Variants in PDK2 observed in about 807,000 individuals in gnomAD.
The protein encoded by PDK2 is pyruvate dehydrogenase kinase 2, also known as pyruvate dehydrogenase kinase, isozyme 2.
Under a neutral mutation model 50.4 loss-of-function variants are expected in PDK2, and 34 were observed. The observed-to-expected ratio is 0.68, with a 90% CI of 0.51 to 0.90. PDK2 has a LOEUF of 0.90. Among genes scored for constraint, PDK2 ranks in the 40% least tolerant of loss-of-function variants. The pLI, the probability that PDK2 is intolerant of heterozygous loss-of-function variation, is 0.00. For synonymous variants in PDK2, 232 were observed against 216.0 expected, an observed-to-expected ratio of 1.07 and a Z score of -0.65; for missense variants, 377 against 544.5, an observed-to-expected ratio of 0.69 and a Z score of 3.06.
At chr17:50,107,980 T>A in intron 6 of PDK2, 176 bp from the exon 7 acceptor site, 1 of 628,836 alleles carries the variant, frequency 1.6e-6, no homozygotes, top group South Asian at 1.9e-5. Context: ...AAGAATTGAA[T>A]GCATCACTTC....
intron 5 of PDK2, 35 bp from the exon 6 acceptor site, chr17:50,107,041 C>T: frequency 6.3e-7 from 1 of 1,590,738 alleles, no homozygotes; most frequent in Non-Finnish European, 8.6e-7. Flanking sequence ...GCTGGGTGGG[C>T]CACCCATGCC....
At position 50,108,688 on chromosome 17, in the gene PDK2, C is replaced by G. The variant is rs1466083413; in HGVS notation, c.938C>G (p.Thr313Ser). 6.2e-7 allele frequency: 1 copy of G among 1,611,508 alleles called. No homozygotes were observed. Among genetic ancestry groups the G allele is most frequent in the Non-Finnish European group, 8.5e-7 (1 of 1,178,406 alleles). Reference protein sequence around the residue: ...LFSYMYSTAPTPQPGTGGTPL... With the variant: ...LFSYMYSTAPSPQPGTGGTPL... ...AGCTACATGTACTCCACAGCACCCA[C>G]CCCCCAGCCTGGCACCGGGGGAACG... is the stretch of plus-strand genomic sequence containing the variant. Residue 313 changes from threonine (T) to serine (S), a missense_variant, in exon 9 of 11, where the codon ACC becomes AGC. By Grantham distance (58) the Thr-to-Ser change is moderately conservative. Transcript: ENST00000503176.
intron 2 of PDK2, chr17:50,104,540 C>G (rs780372346): frequency 6.6e-6 from 1 of 152,266 alleles, no homozygotes; most frequent in African/African-American, 2.4e-5. Context: ...TGTGAGCCAC[C>G]ACACCTGGCT....
chr17:50,106,886 G>A lies in PDK2; in HGVS notation c.607+3G>A. On this transcript the variant is annotated splice_donor_region_variant and intron_variant, in intron 5 of 10. Transcript: ENST00000503176. ...CAACGTCTCTGAGGTGGTCAAAGGT[G>A]AGCCATTCCCACGGTGCCTGGCCCG... 6.2e-7 allele frequency: 1 copy of A among 1,613,418 alleles called. No homozygotes were observed. The highest frequency in any genetic ancestry group is 8.5e-7 in the Non-Finnish European group (1 of 1,179,412).
intron 6 of PDK2, among the ~76,000 whole-genome samples, chr17:50,107,741 A>G (rs73330575): frequency 0.057 from 8,648 of 152,238 alleles, 274 homozygotes; most frequent in African/African-American, 0.097. Context: ...AGATCATGAC[A>G]AGTGATGGGA....
rs1373203965 is a variant in PDK2, at chr17:50,111,778, G to T, written c.*1681G>T. Reference sequence around the variant, plus strand: ...ACATTTCCTAAAAAGGACACATGCTGTCCCCAGGCTGCTGGTAAACTCCAC... The same window carrying T: ...ACATTTCCTAAAAAGGACACATGCTTTCCCCAGGCTGCTGGTAAACTCCAC... On this transcript the variant is annotated 3_prime_UTR_variant, in exon 11 of 11. Transcript: ENST00000503176. 6.6e-6 allele frequency: 1 copy of T among 152,320 alleles called. No individual in the cohort carries two copies. The highest frequency in any genetic ancestry group is 1.5e-5 in the Non-Finnish European group (1 of 68,104). 9.4% of individuals were successfully genotyped at this position (152,320 alleles called of 1,614,324 possible).
chr17:50,109,835 T>G lies in PDK2; in HGVS notation c.1084-122T>G. On this transcript the variant is annotated intron_variant, in intron 10 of 10. Coordinates refer to ENST00000503176, the MANE Select transcript of PDK2 (RefSeq NM_002611.5). The surrounding 1 kb of genome is among the most constrained non-coding windows in gnomAD (Gnocchi z 5.0). ...GCGGGACACAGGAGGGACCACCCTT[T>G]TGTGGTCTTTCCAGGCCCCCGTGTC... 1 of 1,096,264 alleles carries G rather than the reference T, an allele frequency of 9.1e-7. No individual in the cohort carries two copies. The highest frequency in any genetic ancestry group is 1.3e-6 in the Non-Finnish European group (1 of 791,830). 67.9% of individuals were successfully genotyped at this position (1,096,264 alleles called of 1,614,324 possible). A position where few individuals can be genotyped will look rare whatever the true frequency, so the allele number is the denominator to read the frequency against.
intron 2 of PDK2, among the ~76,000 whole-genome samples, chr17:50,103,098 G>T (rs1910319859): frequency 6.6e-6 from 1 of 152,244 alleles, no homozygotes; most frequent in Non-Finnish European, 1.5e-5. Context: ...TGGTCGCTAT[G>T]TTCTTCTCCA....
At chr17:50,096,379 C>T (rs774594416) in intron 1 of PDK2, 50 of 797,170 alleles carry the variant, frequency 6.3e-5, no homozygotes, top group Non-Finnish European at 7.0e-5. Flanking sequence ...ATTGTGTGGG[C>T]CCTGTCTGTC....
At chr17:50,107,916 CCT>C (rs1293844984) in intron 6 of PDK2, 3 of 551,168 alleles carry the variant, frequency 5.4e-6, no homozygotes, top group African/African-American at 1.9e-5. Flanking sequence ...GCTCCCCACC[CCT>C]GATTCAGTTC....
rs1231284748 is a variant in PDK2 at position 50,105,378 on chromosome 17, C to T, written c.268C>T (p.Gln90Ter). ...CCTCCCGCCCCCACACAGGTATGTC[C>T]AGAGCCTCCTGGACATCATGGAGTT... The part of the protein sequence containing the change: ...SVQLVQSWYV[Q>*]SLLDIMEFLD... Residue 90 changes from glutamine to a stop codon, truncating the protein, a stop_gained, in exon 3 of 11, where the codon CAG becomes TAG. Coordinates refer to ENST00000503176, the MANE Select transcript of PDK2 (RefSeq NM_002611.5). LOFTEE classifies it high-confidence loss of function. 6.2e-7 allele frequency: 1 copy of T among 1,612,548 alleles called. No homozygotes were observed. The highest frequency in any genetic ancestry group is 8.5e-7 in the Non-Finnish European group (1 of 1,179,310).
At chr17:50,104,070 T>C (rs1027958084) in intron 2 of PDK2, among the ~76,000 whole-genome samples, 4 of 152,156 alleles carry the variant, frequency 2.6e-5, no homozygotes, top group African/African-American at 9.7e-5. Flanking sequence ...TAAGTGTTTC[T>C]GCCAGAGAGA....
chr17:50,106,090 C>G, intron 4 of PDK2, 21 bp downstream of exon 4: 1 of 1,576,888 alleles, frequency 6.3e-7, no homozygotes, highest in Non-Finnish European at 8.6e-7. Context: ...GCCACAGCGG[C>G]GGGGAGCGGG....
Position 50,109,718 on chromosome 17 carries a change from G to C in PDK2, c.1084-239G>C, listed in dbSNP as rs898704968. Among the ~76,000 whole-genome samples, 1 of 152,090 alleles carries C rather than the reference G, an allele frequency of 6.6e-6. No individual in the cohort carries two copies. Among genetic ancestry groups the C allele is most frequent in the Admixed American group, 6.5e-5 (1 of 15,284 alleles). On this transcript the variant is annotated intron_variant, in intron 10 of 10. Coordinates refer to ENST00000503176, the MANE Select transcript of PDK2 (RefSeq NM_002611.5). The surrounding 1 kb of genome is among the most constrained non-coding windows in gnomAD (Gnocchi z 5.0). Reference sequence around the variant, plus strand: ...AGTTCAGAGGAGAAGACTGAGGCCCGGAGTCCGTGACTTGCTCAGGGTCAC... The same window carrying C: ...AGTTCAGAGGAGAAGACTGAGGCCCCGAGTCCGTGACTTGCTCAGGGTCAC...
At chr17:50,105,527 A>T (rs1282780801) in intron 3 of PDK2, 85 bp downstream of exon 3, 3 of 1,128,516 alleles carry the variant, frequency 2.7e-6, no homozygotes, top group African/African-American at 1.6e-5. Flanking sequence ...GAAGTACAGC[A>T]GGATGGAAGA....
At chr17:50,107,239 G>T in intron 6 of PDK2, 86 bp downstream of exon 6, 1 of 975,118 alleles carries the variant, frequency 1.0e-6, no homozygotes, top group Non-Finnish European at 1.7e-6. Context: ...GAGATGGACT[G>T]TTTTCTAGAC....
intron 3 of PDK2, 43 bp downstream of exon 3, chr17:50,105,485 C>T (rs957470246): frequency 3.2e-6 from 5 of 1,549,348 alleles, no homozygotes; most frequent in Admixed American, 1.7e-5. Flanking sequence ...AGGTGTTGGC[C>T]AGGGGCATCT....
rs1241307357 is a variant in PDK2 at position 50,101,604 on chromosome 17, T to TGCCACATGCACAC, written c.261-3766_261-3754dup. 4.6e-5 allele frequency among the ~76,000 whole-genome samples: 7 copies of TGCCACATGCACAC among 152,220 alleles called. No individual in the cohort carries two copies. The East Asian group carries it at 1.4e-3, about 29-fold the overall frequency. The stretch of plus-strand genomic sequence containing the variant: ...TCGCACACACCCACAGGCATGCACA[T>TGCCACATGCACAC]GCCACATGCACACAATTACACACAC... On this transcript the variant is annotated intron_variant, in intron 2 of 10. Coordinates refer to ENST00000503176, the MANE Select transcript of PDK2 (RefSeq NM_002611.5). This position sits in a 1 kb window ranked among gnomAD's most constrained non-coding sequence, Gnocchi z 4.2.
At chr17:50,103,967 C>T (rs1280725926) in intron 2 of PDK2, among the ~76,000 whole-genome samples, 29 of 152,130 alleles carry the variant, frequency 1.9e-4, no homozygotes, top group African/African-American at 2.4e-5. Context: ...AATGAGTCCT[C>T]GTGTGGAGGG....
Sources: gnomAD v4.1 joint callset for allele counts (sites outside exome capture counted in the v4.1 genomes callset) on GRCh38, gnomAD v4.1.1 for gene constraint, Gnocchi (gnomAD v3.1) non-coding constraint, MANE v1.5 for transcripts, NCBI Gene and HGNC (gene_info 2026-07-23, HGNC 2026-07-21) for gene names.